The following PCNT variants were observed in gnomAD, a reference collection of about 807,000 sequenced individuals.
PCNT encodes the protein kendrin.
A neutral mutation model predicts 380.4 loss-of-function variants in PCNT; 319 were observed. The observed-to-expected ratio is 0.84, with a 90% CI of 0.77 to 0.92. The LOEUF is 0.92. Among genes scored for constraint, PCNT ranks in the 40% least tolerant of loss-of-function variants. PCNT has a pLI of 0.00. For missense variants in PCNT, 4,400 were observed against 4,255.3 expected (o/e 1.03, Z -0.95); for synonymous variants, 1,845 against 1,735.2 (o/e 1.06, Z -1.57).
intron 14 of PCNT, among the ~76,000 whole-genome samples, chr21:46,366,082 A>C (rs1432041037): frequency 6.7e-6 from 1 of 148,454 alleles, no homozygotes; most frequent in Non-Finnish European, 1.5e-5. Flanking sequence ...ATTCACTGCC[A>C]TGAGGTTCTA....
chr21:46,400,900 G>C (rs573135865), intron 25 of PCNT, among the ~76,000 whole-genome samples: 1 of 152,152 alleles, frequency 6.6e-6, no homozygotes, highest in African/African-American at 2.4e-5. Context: ...TTTCCGTTCC[G>C]CTGTCGCAGG....
intron 3 of PCNT, among the ~76,000 whole-genome samples, chr21:46,336,888 C>CG (rs1021356709): frequency 6.6e-6 from 1 of 151,974 alleles, no homozygotes; most frequent in African/African-American, 2.4e-5. Flanking sequence ...TGCCCTCCCC[C>CG]CCAGGTTTAT....
intron 1 of PCNT, chr21:46,325,097 C>T (rs1459756718): frequency 3.3e-5 from 33 of 985,514 alleles, no homozygotes; most frequent in Non-Finnish European, 3.7e-5. Context: ...GTTTGATGGC[C>T]ACTGTCCTAG....
chr21:46,364,008 C>T (rs2084811771), intron 14 of PCNT, 74 bp downstream of exon 14: 1 of 1,405,452 alleles, frequency 7.1e-7, no homozygotes, highest in African/African-American at 1.4e-5. Context: ...GGGCAGGCTC[C>T]TGGGAGGAGG....
At chr21:46,401,976 G>A (rs1045852670) in intron 26 of PCNT, among the ~76,000 whole-genome samples, 22 of 152,130 alleles carry the variant, frequency 1.4e-4, no homozygotes, top group Admixed American at 3.3e-4. Flanking sequence ...TCGGCCTCCC[G>A]AGTAGCTGGG....
chr21:46,384,090 G>T (rs1365987740), intron 16 of PCNT, among the ~76,000 whole-genome samples: 1 of 145,826 alleles, frequency 6.9e-6, no homozygotes, highest in Non-Finnish European at 1.5e-5. Context: ...TCACAGTGTT[G>T]TATATTCAGT....
intron 13 of PCNT, 119 bp from the exon 14 acceptor site, chr21:46,363,361 G>C: frequency 1.3e-6 from 1 of 771,916 alleles, no homozygotes; most frequent in South Asian, 1.4e-5. Flanking sequence ...GCTGTGTGCA[G>C]CGTAATGGGT....
intron 13 of PCNT, among the ~76,000 whole-genome samples, chr21:46,362,992 C>T (rs937567616): frequency 6.6e-6 from 1 of 152,218 alleles, no homozygotes; most frequent in South Asian, 2.1e-4. Flanking sequence ...ATTGTCCTGG[C>T]GTTGACCTTG....
chr21:46,398,193 C>T (rs746784118), intron 23 of PCNT, 42 bp from the exon 24 acceptor site: 2 of 1,607,612 alleles, frequency 1.2e-6, no homozygotes, highest in East Asian at 2.2e-5. Flanking sequence ...TAAGCTTTAA[C>T]TTTCTTTAAA....
Position 46,388,278 on chromosome 21 carries a change from C to T in PCNT, c.3465-464C>T, listed in dbSNP as rs2085910756. 6.6e-6 allele frequency among the ~76,000 whole-genome samples: 1 copy of T among 151,940 alleles called. No individual in the cohort carries two copies. Among genetic ancestry groups the T allele is most frequent in the African/African-American group, 2.4e-5 (1 of 41,344 alleles). On this transcript the variant is annotated intron_variant, in intron 17 of 46. Coordinates refer to ENST00000359568, the MANE Select transcript of PCNT (RefSeq NM_006031.6). The surrounding 1 kb of genome is among the most constrained non-coding windows in gnomAD (Gnocchi z 4.2). ...AGGCCTAGCGAGAGGCTGGGAGACA[C>T]CATCCTCTTCCTGCCACACAACTCC...
chr21:46,433,196 A>G (rs1223390611), intron 38 of PCNT, among the ~76,000 whole-genome samples: 1 of 152,140 alleles, frequency 6.6e-6, no homozygotes, highest in Non-Finnish European at 1.5e-5. Flanking sequence ...AGCCTGGCCA[A>G]CAAGGCGAAA....
chr21:46,332,131 G>T (rs956553223), intron 2 of PCNT, among the ~76,000 whole-genome samples: 3 of 152,330 alleles, frequency 2.0e-5, no homozygotes, highest in Middle Eastern at 3.4e-3. Flanking sequence ...TTGCACTCCA[G>T]CCTGGAGGAC....
chr21:46,435,869 G>A, intron 38 of PCNT, 35 bp from the exon 39 acceptor site: 1 of 1,613,570 alleles, frequency 6.2e-7, no homozygotes, highest in Non-Finnish European at 8.5e-7. Flanking sequence ...ACACTGACGT[G>A]AACGTCTTCT....
rs779040735 is a variant in PCNT, at chr21:46,391,285, G to A, written c.4125G>A (p.Ala1375=). ...LESLRRQLQQ[A]AQEQAALREE... Reference sequence around the variant, plus strand: ...GCCTGAGACGGCAGCTGCAGCAGGCGGCCCAGGAGCAGGCGGCGCTGAGGG... The same window carrying A: ...GCCTGAGACGGCAGCTGCAGCAGGCAGCCCAGGAGCAGGCGGCGCTGAGGG... Residue 1375 remains alanine (A), a synonymous_variant, in exon 21 of 47, where the codon GCG becomes GCA. Transcript: ENST00000359568. 8.2e-6 allele frequency: 13 copies of A among 1,586,912 alleles called. No individual in the cohort carries two copies. Among genetic ancestry groups the A allele is most frequent in the East Asian group, 4.6e-5 (2 of 43,852 alleles).
rs556391051 is a variant in PCNT, at chr21:46,398,272, G to A, written c.4584+17G>A. 9.4e-6 allele frequency: 15 copies of A among 1,599,344 alleles called. No individual in the cohort carries two copies. Among genetic ancestry groups the A allele is most frequent in the East Asian group, 2.2e-5 (1 of 44,490 alleles). ...GATGGAGAGGTGAGGAGGCGTCAAC[G>A]AGATGGGCACTCCCTGCGCTGGCGC... On this transcript the variant is annotated intron_variant, in intron 24 of 46. Transcript: ENST00000359568.
chr21:46,372,491 T>TC (rs1362949279), intron 15 of PCNT, among the ~76,000 whole-genome samples: 1 of 152,240 alleles, frequency 6.6e-6, no homozygotes, highest in African/African-American at 2.4e-5. Context: ...GTTCTGGGTC[T>TC]GTACGATTTT....
intron 24 of PCNT, among the ~76,000 whole-genome samples, chr21:46,398,859 G>T (rs1183253053): frequency 9.8e-5 from 12 of 122,892 alleles, no homozygotes; most frequent in Admixed American, 4.1e-4. Context: ...TCATGCAGTT[G>T]CCCAGGCTGG....
At chr21:46,359,289 T>G (rs1473928430) in intron 13 of PCNT, among the ~76,000 whole-genome samples, 1 of 145,028 alleles carries the variant, frequency 6.9e-6, no homozygotes, top group African/African-American at 2.5e-5. Context: ...TTTATGCTTT[T>G]CACAGGCCAC....
intron 44 of PCNT, chr21:46,442,993 A>C (rs1001479529): frequency 1.1e-5 from 3 of 277,042 alleles, no homozygotes; most frequent in African/African-American, 6.7e-5. Flanking sequence ...CAGAGAGCAC[A>C]GCTGGCTGCA....
Sources: allele counts gnomAD v4.1 joint callset (sites outside exome capture counted in the v4.1 genomes callset), GRCh38; gene constraint gnomAD v4.1.1; non-coding constraint Gnocchi (gnomAD v3.1); transcripts MANE v1.5; gene names NCBI Gene and HGNC (gene_info 2026-07-23, HGNC 2026-07-21).